The following EGFLAM variants were observed in gnomAD, a reference collection of about 807,000 sequenced individuals.
EGFLAM encodes pikachurin.
Under a neutral mutation model 113.1 loss-of-function variants are expected in EGFLAM, and 79 were observed. The ratio of observed to expected loss-of-function variants is 0.70; its 90% CI spans 0.58 to 0.84. EGFLAM has a LOEUF of 0.84. EGFLAM is among the 40% of genes least tolerant of loss of function. The probability of loss-of-function intolerance (pLI) is 0.00; values close to 1 mark genes in which losing one functional copy is unlikely to be tolerated. For synonymous variants in EGFLAM, 504 were observed against 487.6 expected (o/e 1.03, Z -0.44); for missense variants, 1,265 against 1,291.6 (o/e 0.98, Z 0.32).
At chr5:38,289,512 T>C (rs1465103541) in intron 1 of EGFLAM, among the ~76,000 whole-genome samples, 1 of 152,226 alleles carries the variant, frequency 6.6e-6, no homozygotes, top group Non-Finnish European at 1.5e-5. Flanking sequence ...GCATCTTTAC[T>C]GAGTGACCCA....
chr5:38,258,666 G>T lies in EGFLAM; in HGVS notation c.-89G>T, dbSNP rs1757412579. 1.4e-6 allele frequency: 2 copies of T among 1,451,626 alleles called. No individual in the cohort carries two copies. The highest frequency in any genetic ancestry group is 2.4e-5 in the South Asian group (2 of 82,276). The allele number at this position is 1,451,626 out of a possible 1,614,324, so 89.9% of individuals were successfully genotyped here. A position where few individuals can be genotyped will look rare whatever the true frequency, so the allele number is the denominator to read the frequency against. ...CCTCCTCGCCCCGGCCCGGGGATCCGTTGGGGCCGCGTCCCCCACGCGCCC... is the reference window on the plus strand; with the variant it reads ...CCTCCTCGCCCCGGCCCGGGGATCCTTTGGGGCCGCGTCCCCCACGCGCCC... On this transcript the variant is annotated 5_prime_UTR_variant, in exon 1 of 22. Coordinates refer to ENST00000322350, the MANE Select transcript of EGFLAM (RefSeq NM_152403.4).
chr5:38,315,769 T>C (rs1738577272), intron 1 of EGFLAM, among the ~76,000 whole-genome samples: 1 of 152,146 alleles, frequency 6.6e-6, no homozygotes, highest in Non-Finnish European at 1.5e-5. Flanking sequence ...TAAATGAGAA[T>C]ATATGTTTAA....
intron 1 of EGFLAM, among the ~76,000 whole-genome samples, chr5:38,280,413 C>G (rs1156287398): frequency 6.6e-6 from 1 of 152,232 alleles, no homozygotes; most frequent in Non-Finnish European, 1.5e-5. Context: ...TCCTTTGCCC[C>G]CTGGCTTCTT....
intron 13 of EGFLAM, among the ~76,000 whole-genome samples, chr5:38,425,746 A>G (rs1455011844): frequency 6.6e-6 from 1 of 152,156 alleles, no homozygotes; most frequent in Non-Finnish European, 1.5e-5. Context: ...AAAAGCCTGT[A>G]TTGGTATGGT....
chr5:38,355,671 A>G (rs1004917258), intron 5 of EGFLAM, among the ~76,000 whole-genome samples: 1 of 152,226 alleles, frequency 6.6e-6, no homozygotes, highest in Non-Finnish European at 1.5e-5. Context: ...TATAAGGTAT[A>G]TGTGGGTATT....
chr5:38,407,062 G>A lies in EGFLAM; in HGVS notation c.1063G>A (p.Asp355Asn). The change falls in exon 8 of 22, where the codon GAC becomes AAC. Residue 355 changes from aspartate to asparagine, a missense_variant. Asp to Asn is a conservative substitution (Grantham distance 23). Coordinates refer to ENST00000322350, the MANE Select transcript of EGFLAM (RefSeq NM_152403.4). Reference protein sequence around the residue: ...MPCDETLCSADSFCVNDYTWG... With the variant: ...MPCDETLCSANSFCVNDYTWG... Reference sequence around the variant, plus strand: ...TTGTGATGAAACTCTCTGCTCTGCTGACAGCTTCTGTGTCAATGACTACAC... The same window carrying A: ...TTGTGATGAAACTCTCTGCTCTGCTAACAGCTTCTGTGTCAATGACTACAC... 2 of 1,614,148 alleles carry A rather than the reference G, an allele frequency of 1.2e-6. No homozygotes were observed. Among genetic ancestry groups the A allele is most frequent in the Non-Finnish European group, 1.7e-6 (2 of 1,180,026 alleles).
chr5:38,446,356 G>T (rs1459187484), intron 17 of EGFLAM, among the ~76,000 whole-genome samples: 1 of 151,994 alleles, frequency 6.6e-6, no homozygotes, highest in African/African-American at 2.4e-5. Context: ...CCCGGTGGCT[G>T]CCTTCTCTCC....
At chr5:38,438,567 TG>T in intron 17 of EGFLAM, 112 bp downstream of exon 17, 1 of 1,051,460 alleles carries the variant, frequency 9.5e-7, no homozygotes, top group Non-Finnish European at 1.3e-6. Context: ...ACAACCATAG[TG>T]GTTATTTTGA....
Position 38,266,329 on chromosome 5 carries a change from T to C in EGFLAM, c.97+7478T>C, listed in dbSNP as rs570021412. On this transcript the variant is annotated intron_variant, in intron 1 of 21. Transcript: ENST00000322350. ...TGGGTCAGTTATATATGCTCCATAATCCTCAGTTTACTGATCTGTAAAAAT... is the reference window on the plus strand; with the variant it reads ...TGGGTCAGTTATATATGCTCCATAACCCTCAGTTTACTGATCTGTAAAAAT... Among the ~76,000 whole-genome samples, 4 of 152,228 alleles carry C rather than the reference T, an allele frequency of 2.6e-5. No homozygotes were observed. The East Asian group carries it at 7.7e-4, about 29-fold the overall frequency.
Position 38,296,958 on chromosome 5 carries a change from T to C in EGFLAM, c.97+38107T>C, listed in dbSNP as rs571111954. ...TGTGAAAAAAAATTACAAACCCAAA[T>C]TGAGGGATATTTTACAAAACAACCG... On this transcript the variant is annotated intron_variant, in intron 1 of 21. Transcript: ENST00000322350. 5.9e-5 allele frequency among the ~76,000 whole-genome samples: 9 copies of C among 152,012 alleles called. No homozygotes were observed. The East Asian group carries it at 1.7e-3, about 29-fold the overall frequency.
chr5:38,437,576 G>A (rs1210089619), intron 16 of EGFLAM, among the ~76,000 whole-genome samples: 10 of 152,118 alleles, frequency 6.6e-5, no homozygotes, highest in Non-Finnish European at 1.3e-4. Flanking sequence ...AGTTACTGAC[G>A]ACTTGGTCTC....
intron 6 of EGFLAM, among the ~76,000 whole-genome samples, chr5:38,399,660 C>T (rs1394961104): frequency 1.3e-5 from 2 of 152,114 alleles, no homozygotes; most frequent in African/African-American, 4.8e-5. Context: ...TCACTGTCCC[C>T]ACCTCTGTAG....
chr5:38,430,499 C>A (rs1156816127), intron 14 of EGFLAM, among the ~76,000 whole-genome samples: 1 of 152,162 alleles, frequency 6.6e-6, no homozygotes, highest in African/African-American at 2.4e-5. Flanking sequence ...TTAGTGTTTT[C>A]TTTTTACTGA....
chr5:38,379,284 A>AT (rs1280051178), intron 6 of EGFLAM, among the ~76,000 whole-genome samples: 1 of 152,168 alleles, frequency 6.6e-6, no homozygotes, highest in Admixed American at 6.5e-5. Context: ...AGGTACACAC[A>AT]TTTTGTATAT....
At chr5:38,336,569 G>T (rs970705144) in intron 1 of EGFLAM, among the ~76,000 whole-genome samples, 1 of 85,740 alleles carries the variant, frequency 1.2e-5, no homozygotes, top group Non-Finnish European at 2.2e-5. Context: ...GTGAGACTCC[G>T]TACACACACA....
At chr5:38,443,583 G>A (rs1391136681) in intron 17 of EGFLAM, among the ~76,000 whole-genome samples, 1 of 152,168 alleles carries the variant, frequency 6.6e-6, no homozygotes, top group Non-Finnish European at 1.5e-5. Context: ...GCACGGGAGC[G>A]TGCCACCTTG....
At chr5:38,426,692 G>C (rs1276837816) in intron 13 of EGFLAM, among the ~76,000 whole-genome samples, 1 of 152,190 alleles carries the variant, frequency 6.6e-6, no homozygotes, top group South Asian at 2.1e-4. Flanking sequence ...GTTATACAGG[G>C]ACACAGTTTC....
At chr5:38,418,641 C>G (rs1741731810) in intron 12 of EGFLAM, among the ~76,000 whole-genome samples, 1 of 152,178 alleles carries the variant, frequency 6.6e-6, no homozygotes, top group East Asian at 1.9e-4. Flanking sequence ...TTCATACACT[C>G]TCTGTTTCTT....
At chr5:38,409,557 A>G (rs1176910989) in intron 10 of EGFLAM, among the ~76,000 whole-genome samples, 2 of 152,142 alleles carry the variant, frequency 1.3e-5, no homozygotes, top group Non-Finnish European at 2.9e-5. Flanking sequence ...GTGCTGCTGA[A>G]TGTTTCTTGA....
Sources: gnomAD v4.1 joint callset for allele counts (sites outside exome capture counted in the v4.1 genomes callset) on GRCh38, gnomAD v4.1.1 for gene constraint, MANE v1.5 for transcripts, NCBI Gene and HGNC (gene_info 2026-07-23, HGNC 2026-07-21) for gene names.